Variants in UNC80 observed in about 807,000 individuals in gnomAD.
UNC80 encodes unc-80 subunit of NALCN channel complex.
Under a neutral mutation model 384.6 loss-of-function variants are expected in UNC80, and 164 were observed. The ratio of observed to expected loss-of-function variants is 0.43; its 90% CI spans 0.38 to 0.49. The LOEUF is 0.49. Ranked by LOEUF, UNC80 falls within the 20% of genes least tolerant of loss-of-function variation. UNC80 has a pLI of 0.00. For synonymous variants in UNC80, 1,486 were observed against 1,527.8 expected (o/e 0.97, Z 0.64); for missense variants, 3,330 against 4,143.0 (o/e 0.80, Z 5.39).
chr2:209,969,987 C>G (rs1186386964), intron 53 of UNC80, 96 bp downstream of exon 53: 1 of 1,437,748 alleles, frequency 7.0e-7, no homozygotes, highest in African/African-American at 1.4e-5. Flanking sequence ...CCACTTTGTG[C>G]CCCTATCTGC....
At chr2:209,868,007 C>G (rs778539494) in intron 22 of UNC80, among the ~76,000 whole-genome samples, 3 of 152,168 alleles carry the variant, frequency 2.0e-5, no homozygotes, top group African/African-American at 7.2e-5. Flanking sequence ...AATGACTAGC[C>G]TTCCAGACCA....
chr2:209,866,017 A>G (rs2083728703), intron 22 of UNC80, among the ~76,000 whole-genome samples: 1 of 152,014 alleles, frequency 6.6e-6, no homozygotes, highest in Non-Finnish European at 1.5e-5. Flanking sequence ...CACTTTGAAT[A>G]TCTTCTCTTT....
At chr2:209,917,728 C>G (rs764778728) in intron 31 of UNC80, 49 bp from the exon 32 acceptor site, 5 of 1,543,242 alleles carry the variant, frequency 3.2e-6, no homozygotes, top group Admixed American at 2.0e-5. Flanking sequence ...ACCCCAGGAA[C>G]TAAGCAATAT....
chr2:209,971,464 C>CAAAAAAAAA (rs35804573), intron 54 of UNC80, among the ~76,000 whole-genome samples: 1 of 133,782 alleles, frequency 7.5e-6, no homozygotes, highest in African/African-American at 2.8e-5. Context: ...ATTCCCAAGG[C>CAAAAAAAAA]AAAAAAAAAA....
intron 22 of UNC80, among the ~76,000 whole-genome samples, chr2:209,850,624 A>G (rs1418626499): frequency 6.6e-6 from 1 of 152,152 alleles, no homozygotes; most frequent in East Asian, 1.9e-4. Flanking sequence ...AAATATTAAT[A>G]CCACTTATAA....
chr2:209,960,180 A>C (rs2092545815), intron 51 of UNC80, among the ~76,000 whole-genome samples: 1 of 152,226 alleles, frequency 6.6e-6, no homozygotes, highest in African/African-American at 2.4e-5. Flanking sequence ...AACTCAGCCA[A>C]CTTGGCTTGG....
chr2:209,978,805 G>A, intron 59 of UNC80, 97 bp downstream of exon 59: 1 of 1,190,852 alleles, frequency 8.4e-7, no homozygotes, highest in Non-Finnish European at 1.1e-6. Flanking sequence ...TTCCGCTTCT[G>A]ATCCCCTAGT....
At chr2:209,844,789 G>A (rs1017646314) in intron 21 of UNC80, among the ~76,000 whole-genome samples, 1 of 121,676 alleles carries the variant, frequency 8.2e-6, no homozygotes, top group East Asian at 2.0e-4. Context: ...AGATGGGGGT[G>A]GGGGGATCTT....
chr2:209,772,563 T>G (rs988550540), intron 1 of UNC80, among the ~76,000 whole-genome samples: 1 of 152,152 alleles, frequency 6.6e-6, no homozygotes, highest in African/African-American at 2.4e-5. Context: ...GTTTGGCGAA[T>G]ATCTGCTATG....
At position 209,793,810 on chromosome 2, in the gene UNC80, G is replaced by A; in HGVS notation, c.889G>A (p.Gly297Arg). 1 of 1,614,108 alleles carries A rather than the reference G, an allele frequency of 6.2e-7. No homozygotes were observed. Among genetic ancestry groups the A allele is most frequent in the Non-Finnish European group, 8.5e-7 (1 of 1,179,970 alleles). ...CTGTCACCGAGGAAACTCCTTTGAT[G>A]GAAGTCTGTCCTCCCAAACTTCCCA... Reference protein sequence around the residue: ...SGCHRGNSFDGSLSSQTSQER... With the variant: ...SGCHRGNSFDRSLSSQTSQER... Residue 297 changes from glycine (G) to arginine (R), a missense_variant, in exon 7 of 65, where the codon GGA becomes AGA. By Grantham distance (125) the Gly-to-Arg change is moderately radical (BLOSUM62 -2). Coordinates refer to ENST00000673920, the MANE Select transcript of UNC80 (RefSeq NM_001371986.1).
intron 35 of UNC80, among the ~76,000 whole-genome samples, chr2:209,924,407 T>A (rs1488795067): frequency 6.6e-6 from 1 of 152,204 alleles, no homozygotes; most frequent in Non-Finnish European, 1.5e-5. Context: ...AGACAGAGAT[T>A]TTCTTAAGTG....
At chr2:209,789,345 A>G (rs2077651181) in intron 5 of UNC80, among the ~76,000 whole-genome samples, 187 bp from the exon 6 acceptor site, 1 of 152,202 alleles carries the variant, frequency 6.6e-6, no homozygotes, top group Non-Finnish European at 1.5e-5. Context: ...ATCTACATCA[A>G]TAACCAAAAA....
chr2:209,813,959 A>G (rs2079546583), intron 8 of UNC80, 118 bp downstream of exon 8: 3 of 1,288,738 alleles, frequency 2.3e-6, no homozygotes, highest in Non-Finnish European at 3.2e-6. Flanking sequence ...TTGGTGGGTT[A>G]CACTGTTTCT....
At chr2:209,984,732 C>T (rs1489183841) in intron 60 of UNC80, 124 bp from the exon 61 acceptor site, 2 of 908,218 alleles carry the variant, frequency 2.2e-6, no homozygotes, top group Non-Finnish European at 3.2e-6. Flanking sequence ...CTTTTCCTTC[C>T]TTGTTCGGTT....
chr2:209,979,845 C>T (rs1355960468), intron 59 of UNC80, among the ~76,000 whole-genome samples: 5 of 152,040 alleles, frequency 3.3e-5, no homozygotes. Flanking sequence ...CAAACAACAA[C>T]AAAAAGCTCT....
intron 22 of UNC80, among the ~76,000 whole-genome samples, chr2:209,866,529 C>CAT (rs765928807): frequency 0.088 from 11,144 of 126,296 alleles, 568 homozygotes; most frequent in Non-Finnish European, 0.11. Flanking sequence ...CACACACACA[C>CAT]ACACAGAGAG....
At chr2:209,849,763 A>C (rs2082393871) in intron 22 of UNC80, 140 bp downstream of exon 22, 1 of 930,176 alleles carries the variant, frequency 1.1e-6, no homozygotes, top group Non-Finnish European at 1.6e-6. Context: ...AGGGGGAAGA[A>C]AGATGGTGAA....
At chr2:209,921,440 T>A (rs2090034408) in intron 33 of UNC80, 60 bp from the exon 34 acceptor site, 15 of 1,464,826 alleles carry the variant, frequency 1.0e-5, no homozygotes, top group Non-Finnish European at 1.2e-5. Flanking sequence ...GAACACTCTT[T>A]ATGCCTGTGA....
intron 44 of UNC80, among the ~76,000 whole-genome samples, chr2:209,942,434 G>A (rs1575095208): frequency 6.6e-6 from 1 of 152,240 alleles, no homozygotes; most frequent in East Asian, 1.9e-4. Context: ...AGTAAATGTG[G>A]TGTGTTGGGA....
Sources: gnomAD v4.1 joint callset for allele counts (sites outside exome capture counted in the v4.1 genomes callset) on GRCh38, gnomAD v4.1.1 for gene constraint, MANE v1.5 for transcripts, NCBI Gene and HGNC (gene_info 2026-07-23, HGNC 2026-07-21) for gene names.